The following EXOC4 variants were observed in gnomAD, a reference collection of about 807,000 sequenced individuals.
EXOC4 encodes the protein exocyst complex component 4.
Under a neutral mutation model 107.2 loss-of-function variants are expected in EXOC4, and 71 were observed. The ratio of observed to expected loss-of-function variants is 0.66; its 90% CI spans 0.55 to 0.81. EXOC4 has a LOEUF of 0.81. Ranked by LOEUF, EXOC4 falls within the 30% of genes least tolerant of loss-of-function variation. The pLI, the probability that EXOC4 is intolerant of heterozygous loss-of-function variation, is 0.00. For missense variants in EXOC4, 1,108 were observed against 1,189.6 expected, an observed-to-expected ratio of 0.93 and a Z score of 1.01; for synonymous variants, 456 against 441.2, an observed-to-expected ratio of 1.03 and a Z score of -0.42.
chr7:133,569,895 G>A (rs1800984309), intron 9 of EXOC4, among the ~76,000 whole-genome samples: 1 of 152,142 alleles, frequency 6.6e-6, no homozygotes, highest in Non-Finnish European at 1.5e-5. Context: ...TGTCACCGTT[G>A]GAATATGTTT....
chr7:133,325,877 A>G (rs1190675160), intron 5 of EXOC4, among the ~76,000 whole-genome samples: 1 of 152,172 alleles, frequency 6.6e-6, no homozygotes, highest in African/African-American at 2.4e-5. Flanking sequence ...GTCTTTTCAC[A>G]TAGTCCCATA....
At chr7:133,495,483 C>A (rs981379793) in intron 9 of EXOC4, among the ~76,000 whole-genome samples, 2 of 152,130 alleles carry the variant, frequency 1.3e-5, no homozygotes, top group African/African-American at 2.4e-5. Flanking sequence ...CATATAACTA[C>A]CACCCAGAAG....
At chr7:133,483,084 G>A (rs1799192381) in intron 9 of EXOC4, among the ~76,000 whole-genome samples, 1 of 152,136 alleles carries the variant, frequency 6.6e-6, no homozygotes, top group Non-Finnish European at 1.5e-5. Flanking sequence ...GTTTGAGTTT[G>A]CCACGAAACT....
intron 17 of EXOC4, among the ~76,000 whole-genome samples, chr7:134,036,495 G>A (rs1795393766): frequency 6.6e-6 from 1 of 152,182 alleles, no homozygotes; most frequent in Non-Finnish European, 1.5e-5. Context: ...GGCTGAGGTG[G>A]GAGGATCCCT....
At chr7:133,928,922 CTTTTTTTTTTTTTT>C (rs71162044) in intron 13 of EXOC4, among the ~76,000 whole-genome samples, 1 of 82,016 alleles carries the variant, frequency 1.2e-5, no homozygotes, top group South Asian at 6.4e-4. Flanking sequence ...ACAGTAGTAC[CTTTTTTTTTTTTTT>C]TTTTTTTTTT....
intron 9 of EXOC4, among the ~76,000 whole-genome samples, chr7:133,495,921 A>C (rs1002854903): frequency 6.6e-6 from 1 of 152,194 alleles, no homozygotes; most frequent in Non-Finnish European, 1.5e-5. Context: ...ATTGTATGAC[A>C]ATATCAGTTG....
At chr7:133,421,746 A>G (rs1023520032) in intron 7 of EXOC4, among the ~76,000 whole-genome samples, 1 of 152,206 alleles carries the variant, frequency 6.6e-6, no homozygotes, top group Non-Finnish European at 1.5e-5. Context: ...ATGGGAGCCA[A>G]TAAGTGTGTA....
At chr7:133,669,004 ATTTTTTT>A (rs58354607) in intron 10 of EXOC4, among the ~76,000 whole-genome samples, 2 of 118,450 alleles carry the variant, frequency 1.7e-5, no homozygotes, top group South Asian at 5.3e-4. Flanking sequence ...TGTTCTCCCA[ATTTTTTT>A]TTTTTTTTTT....
At chr7:133,299,854 TA>T (rs974277904) in intron 3 of EXOC4, among the ~76,000 whole-genome samples, 2 of 152,178 alleles carry the variant, frequency 1.3e-5, no homozygotes, top group African/African-American at 2.4e-5. Context: ...TACATTGACA[TA>T]TGCTTGACCT....
chr7:134,100,142 T>A, the EXOC4 span, among the ~76,000 whole-genome samples: 1 of 152,168 alleles, frequency 6.6e-6, no homozygotes, highest in African/African-American at 2.4e-5. Flanking sequence ...GTCTCAGCCA[T>A]GAACCTTGTT....
intron 7 of EXOC4, among the ~76,000 whole-genome samples, chr7:133,423,852 C>T (rs976859886): frequency 3.1e-4 from 47 of 152,262 alleles, no homozygotes; most frequent in African/African-American, 9.6e-4. Flanking sequence ...AGCCAGCTGG[C>T]GCCTGCTGGA....
intron 7 of EXOC4, among the ~76,000 whole-genome samples, chr7:133,447,003 A>C (rs1798236211): frequency 6.6e-6 from 1 of 152,194 alleles, no homozygotes; most frequent in African/African-American, 2.4e-5. Flanking sequence ...TGTTTCTATA[A>C]ACCTTTGAAG....
At chr7:133,998,442 A>G (rs1272912979) in intron 15 of EXOC4, among the ~76,000 whole-genome samples, 2 of 152,226 alleles carry the variant, frequency 1.3e-5, no homozygotes, top group Non-Finnish European at 2.9e-5. Flanking sequence ...AAGAATGATC[A>G]GTCTGTACAA....
At chr7:133,943,367 T>C (rs964166568) in intron 14 of EXOC4, among the ~76,000 whole-genome samples, 2 of 152,184 alleles carry the variant, frequency 1.3e-5, no homozygotes, top group Non-Finnish European at 2.9e-5. Flanking sequence ...ATTTCTCCTA[T>C]TGATGTTAAC....
intron 10 of EXOC4, among the ~76,000 whole-genome samples, chr7:133,729,915 A>G (rs1463420262): frequency 6.6e-6 from 1 of 151,982 alleles, no homozygotes; most frequent in East Asian, 1.9e-4. Context: ...TCAAAGGTAT[A>G]CGATACATTA....
chr7:134,055,833 A>AAAAT (rs1020702127), intron 17 of EXOC4, among the ~76,000 whole-genome samples: 4 of 152,200 alleles, frequency 2.6e-5, no homozygotes, highest in African/African-American at 4.8e-5. Context: ...TTAGATTTTA[A>AAAAT]AAATAAATAA....
chr7:133,331,656 G>A (rs1795397100), intron 5 of EXOC4, among the ~76,000 whole-genome samples: 1 of 151,742 alleles, frequency 6.6e-6, no homozygotes, highest in Admixed American at 6.6e-5. Context: ...TAGTAGAGAC[G>A]GGGTTTCACC....
chr7:133,922,612 C>G (rs1274423925), intron 13 of EXOC4, among the ~76,000 whole-genome samples: 2 of 152,106 alleles, frequency 1.3e-5, no homozygotes, highest in African/African-American at 4.8e-5. Context: ...TTTGGGAGAA[C>G]TGAGACGGGT....
intron 14 of EXOC4, among the ~76,000 whole-genome samples, chr7:133,952,724 A>G (rs1379240702): frequency 6.6e-6 from 1 of 152,156 alleles, no homozygotes; most frequent in Non-Finnish European, 1.5e-5. Flanking sequence ...TAGGTGGCCC[A>G]TATAAGTGGA....
Sources: gnomAD v4.1 joint callset for allele counts (sites outside exome capture counted in the v4.1 genomes callset) on GRCh38, gnomAD v4.1.1 for gene constraint, MANE v1.5 for transcripts, NCBI Gene and HGNC (gene_info 2026-07-23, HGNC 2026-07-21) for gene names.